TCF20: variants seen among roughly 807,000 people sequenced by gnomAD.
TCF20 encodes SPRE-binding protein.
A neutral mutation model predicts 148.6 loss-of-function variants in TCF20; 3 were observed. The observed-to-expected ratio is 0.02, with a 90% CI of 0.01 to 0.05. TCF20 has a LOEUF of 0.05. Ranked by LOEUF, TCF20 falls within the 10% of genes least tolerant of loss-of-function variation. TCF20 has a pLI of 1.00. For synonymous variants in TCF20, 1,049 were observed against 909.5 expected (o/e 1.15, Z -2.76); for missense variants, 2,350 against 2,429.3 (o/e 0.97, Z 0.69).
chr22:42,210,483 T>C lies in TCF20; in HGVS notation c.4823A>G (p.Gln1608Arg). 6.2e-7 allele frequency: 1 copy of C among 1,614,238 alleles called. No homozygotes were observed. The highest frequency in any genetic ancestry group is 1.7e-5 in the Admixed American group (1 of 60,034). The change falls in exon 2 of 6, where the codon CAA becomes CGA. Residue 1608 changes from glutamine (Q) to arginine (R), a missense_variant. Gln to Arg is a conservative substitution (Grantham distance 43, BLOSUM62 1). Transcript: ENST00000677622. This position sits in a 1 kb window ranked among gnomAD's most constrained non-coding sequence, Gnocchi z 4.7. ...TKQAVPIVEP[Q>R]EPEIKLKYAT... ...ATATTTTAGTTTGATCTCAGGTTCT[T>C]GGGGTTCCACAATGGGAACTGCTTG...
Position 42,338,791 on chromosome 22 carries a change from T to C in TCF20, c.-37+4688A>G, listed in dbSNP as rs1385966600. 1.3e-5 allele frequency among the ~76,000 whole-genome samples: 2 copies of C among 152,220 alleles called. No individual in the cohort carries two copies. The highest frequency in any genetic ancestry group is 2.1e-4 in the South Asian group (1 of 4,832). ...CAATCTTAATATATCAAAGTCCAGATGACAGTTTATTTCAACACATCTCGT... is the reference window on the plus strand; with the variant it reads ...CAATCTTAATATATCAAAGTCCAGACGACAGTTTATTTCAACACATCTCGT... On this transcript the variant is annotated intron_variant, in intron 1 of 1. Transcript: ENST00000515426. The surrounding 1 kb of genome is among the most constrained non-coding windows in gnomAD (Gnocchi z 4.0).
chr22:42,217,913 A>G (rs983720716), intron 1 of TCF20, among the ~76,000 whole-genome samples: 3 of 152,252 alleles, frequency 2.0e-5, no homozygotes, highest in African/African-American at 4.8e-5. Flanking sequence ...CAGCTAGACA[A>G]GGGTCTACTT....
chr22:42,291,143 G>A (rs1927125458), intron 1 of TCF20, among the ~76,000 whole-genome samples: 2 of 152,138 alleles, frequency 1.3e-5, no homozygotes. Flanking sequence ...ACATTTTAAG[G>A]TCCTCCCAGT....
rs537527748 is a variant in TCF20 at position 42,338,288 on chromosome 22, G to A, written c.-37+5191C>T. Among the ~76,000 whole-genome samples the A allele has an allele frequency of 6.6e-6, 1 of 152,340 alleles. No homozygotes were observed. Among genetic ancestry groups the A allele is most frequent in the Non-Finnish European group, 1.5e-5 (1 of 68,032 alleles). On this transcript the variant is annotated intron_variant, in intron 1 of 1. Transcript: ENST00000515426. This position sits in a 1 kb window ranked among gnomAD's most constrained non-coding sequence, Gnocchi z 4.0. ...GAAACTTTTCGTCTGAATGGAGGTCGGCTGCACAGAGGAAACTACACGTGC... is the reference window on the plus strand; with the variant it reads ...GAAACTTTTCGTCTGAATGGAGGTCAGCTGCACAGAGGAAACTACACGTGC...
chr22:42,183,310 T>C (rs568807610), intron 2 of TCF20, among the ~76,000 whole-genome samples: 8 of 146,282 alleles, frequency 5.5e-5, no homozygotes, highest in Admixed American at 6.9e-5. Context: ...ATCTTATATA[T>C]ACAAAATCAA....
intron 1 of TCF20, among the ~76,000 whole-genome samples, chr22:42,251,043 A>AC (rs1263861480): frequency 1.3e-5 from 2 of 151,800 alleles, no homozygotes; most frequent in Non-Finnish European, 1.5e-5. Flanking sequence ...TAATCCAATC[A>AC]CCTCCTACCA....
intron 1 of TCF20, among the ~76,000 whole-genome samples, chr22:42,223,381 T>C (rs1005183995): frequency 1.3e-5 from 2 of 152,142 alleles, no homozygotes; most frequent in African/African-American, 4.8e-5. Context: ...ACCACAAAAT[T>C]AGGCAAGGAA....
intron 1 of TCF20, among the ~76,000 whole-genome samples, chr22:42,306,267 T>A (rs972748304): frequency 1.3e-5 from 2 of 151,076 alleles, no homozygotes; most frequent in Non-Finnish European, 3.0e-5. Context: ...AAATTAGGAG[T>A]TGCCACCTGC....
chr22:42,293,217 T>C (rs1175845508), intron 1 of TCF20, among the ~76,000 whole-genome samples: 1 of 152,198 alleles, frequency 6.6e-6, no homozygotes, highest in East Asian at 1.9e-4. Context: ...CCTGGCTGAC[T>C]CTGAGCAAAC....
intron 3 of TCF20, among the ~76,000 whole-genome samples, chr22:42,174,952 G>A (rs564348152): frequency 2.0e-4 from 31 of 151,838 alleles, no homozygotes; most frequent in African/African-American, 3.4e-4. Context: ...GGAGAATGGC[G>A]TGAACCCGGG....
At chr22:42,284,822 C>A (rs967880067), upstream of TCF20, among the ~76,000 whole-genome samples, 1 of 152,248 alleles carries the variant, frequency 6.6e-6, no homozygotes, top group Non-Finnish European at 1.5e-5. Flanking sequence ...GCGCTTCACA[C>A]CCCCTTCCTA....
rs1162226188 is a variant in TCF20, at chr22:42,209,919, C to T, written c.5387G>A (p.Gly1796Asp). 2 of 1,614,196 alleles carry T rather than the reference C, an allele frequency of 1.2e-6. No homozygotes were observed. Among genetic ancestry groups the T allele is most frequent in the Admixed American group, 3.3e-5 (2 of 60,022 alleles). Residue 1796 changes from glycine to aspartate, a missense_variant, in exon 2 of 6, where the codon GGT (glycine) becomes GAT (aspartate). By Grantham distance (94) the Gly-to-Asp change is moderately conservative. Transcript: ENST00000677622. ...CCTGGACAGGGACCGAGGGCCTCCA[C>T]CACAGTCTTCCGAGCGGTGGCGCCG... ...FKRRHRSEDC[G>D]GGPRSLSRGL...
At chr22:42,320,834 G>A (rs4822110) in intron 1 of TCF20, among the ~76,000 whole-genome samples, 9,498 of 152,052 alleles carry the variant, frequency 0.062, 375 homozygotes, top group South Asian at 0.16. Context: ...CAGGTACTGC[G>A]AATACCTGGC....
chr22:42,311,294 C>A (rs929081725), intron 1 of TCF20, among the ~76,000 whole-genome samples: 1 of 152,270 alleles, frequency 6.6e-6, no homozygotes, highest in African/African-American at 2.4e-5. Flanking sequence ...GCACCAGGCC[C>A]AGGCCCAAGG....
chr22:42,239,399 C>T (rs1005495658), intron 1 of TCF20, among the ~76,000 whole-genome samples: 7 of 151,728 alleles, frequency 4.6e-5, no homozygotes, highest in African/African-American at 1.7e-4. Flanking sequence ...TCACTTGAAC[C>T]CCGGAGGCGG....
Position 42,210,747 on chromosome 22 carries a change from G to T in TCF20, c.4559C>A (p.Thr1520Lys), listed in dbSNP as rs781578465. The T allele has an allele frequency of 1.1e-5, 18 of 1,614,084 alleles. No homozygotes were observed. In the Admixed American group the frequency reaches 3.0e-4, roughly 27 times the overall value. Residue 1520 changes from threonine to lysine, a missense_variant, in exon 2 of 6, where the codon ACG becomes AAG. By Grantham distance (78) the Thr-to-Lys change is moderately conservative. Transcript: ENST00000677622. This position sits in a 1 kb window ranked among gnomAD's most constrained non-coding sequence, Gnocchi z 4.7. ...KAEEKENDTVTISPKQEGFPP... is the reference protein window; with the variant it reads ...KAEEKENDTVKISPKQEGFPP... ...GAAACCCTCTTGCTTCGGTGAAATC[G>T]TCACTGTATCGTTCTCCTTCTCTTC...
intron 1 of TCF20, among the ~76,000 whole-genome samples, chr22:42,258,194 A>T (rs1368409176): frequency 6.6e-6 from 1 of 152,172 alleles, no homozygotes; most frequent in Non-Finnish European, 1.5e-5. Flanking sequence ...TTCCTTAGTC[A>T]GCTCTATCCG....
intron 2 of TCF20, among the ~76,000 whole-genome samples, chr22:42,207,885 G>A (rs978115763): frequency 6.6e-6 from 1 of 151,922 alleles, no homozygotes; most frequent in Non-Finnish European, 1.5e-5. Flanking sequence ...AACAGACAAA[G>A]ATTTTTAAAA....
intron 1 of TCF20, among the ~76,000 whole-genome samples, chr22:42,220,760 C>T (rs1256416615): frequency 6.6e-6 from 1 of 152,150 alleles, no homozygotes; most frequent in African/African-American, 2.4e-5. Context: ...GAGGAACTTA[C>T]TCTCCTGGCT....
Sources: allele counts gnomAD v4.1 joint callset (sites outside exome capture counted in the v4.1 genomes callset), GRCh38; gene constraint gnomAD v4.1.1; non-coding constraint Gnocchi (gnomAD v3.1); transcripts MANE v1.5; gene names NCBI Gene and HGNC (gene_info 2026-07-23, HGNC 2026-07-21).